Variants in CCDC148 observed in about 807,000 individuals in gnomAD.
The protein encoded by CCDC148 is coiled-coil domain containing 148.
CCDC148 carries 89 observed loss-of-function variants against 85.7 expected under a neutral mutation model. That is an observed-to-expected ratio of 1.04 (90% CI 0.87 to 1.24). CCDC148 has a LOEUF of 1.24. Ranked by LOEUF, CCDC148 falls within the 50% of genes most tolerant of loss-of-function variation. The pLI is 0.00. For missense variants in CCDC148, 692 were observed against 671.7 expected (o/e 1.03, Z -0.33); for synonymous variants, 230 against 213.9 (o/e 1.08, Z -0.66).
At chr2:158,193,321 AAC>A (rs1276392729) in intron 11 of CCDC148, among the ~76,000 whole-genome samples, 1 of 152,128 alleles carries the variant, frequency 6.6e-6, no homozygotes, top group South Asian at 2.1e-4. Context: ...CATAATTGTG[AAC>A]AGAGACAAAC....
chr2:158,337,617 GA>G (rs1258562486), intron 7 of CCDC148, among the ~76,000 whole-genome samples: 8 of 152,128 alleles, frequency 5.3e-5, no homozygotes, highest in Non-Finnish European at 8.8e-5. Context: ...AAAGGAGAGA[GA>G]TGGGGAAGGA....
At chr2:158,272,759 C>T (rs770342495) in intron 9 of CCDC148, among the ~76,000 whole-genome samples, 6 of 152,196 alleles carry the variant, frequency 3.9e-5, no homozygotes, top group Admixed American at 2.6e-4. Flanking sequence ...AGCATACCAA[C>T]TCCTATACTT....
intron 9 of CCDC148, among the ~76,000 whole-genome samples, chr2:158,296,943 T>C (rs1574571844): frequency 6.6e-6 from 1 of 152,156 alleles, no homozygotes; most frequent in Non-Finnish European, 1.5e-5. Flanking sequence ...ATGCCTATGG[T>C]TCCTCAGAGC....
Position 158,339,098 on chromosome 2 carries a change from T to A in CCDC148, c.487-13A>T. Reference sequence around the variant, plus strand: ...TCACAAAGTCAACCTATAGGACATTTGGAACAAGTAGTAGGCAAATTATTG... The same window carrying A: ...TCACAAAGTCAACCTATAGGACATTAGGAACAAGTAGTAGGCAAATTATTG... On this transcript the variant is annotated splice_polypyrimidine_tract_variant and intron_variant, in intron 5 of 13. Transcript: ENST00000283233. 2 of 1,587,540 alleles carry A rather than the reference T, an allele frequency of 1.3e-6. No individual in the cohort carries two copies. Among genetic ancestry groups the A allele is most frequent in the Non-Finnish European group, 1.7e-6 (2 of 1,157,500 alleles).
chr2:158,223,487 C>G (rs1307681964), intron 10 of CCDC148, among the ~76,000 whole-genome samples: 1 of 152,196 alleles, frequency 6.6e-6, no homozygotes, highest in Non-Finnish European at 1.5e-5. Flanking sequence ...TCTCCCACCA[C>G]ACAGCTGGAG....
intron 8 of CCDC148, among the ~76,000 whole-genome samples, chr2:158,312,116 G>C (rs535567307): frequency 6.0e-4 from 92 of 152,166 alleles, no homozygotes; most frequent in African/African-American, 2.2e-3. Flanking sequence ...CTAGCAAATG[G>C]GATAAGGTAT....
chr2:158,443,198 G>A (rs983532173), intron 1 of CCDC148, among the ~76,000 whole-genome samples: 1 of 151,976 alleles, frequency 6.6e-6, no homozygotes, highest in East Asian at 1.9e-4. Flanking sequence ...AGTCACTCAG[G>A]CACAGTGGCT....
intron 10 of CCDC148, among the ~76,000 whole-genome samples, chr2:158,223,993 A>G (rs1175842387): frequency 6.6e-6 from 1 of 152,252 alleles, no homozygotes; most frequent in Non-Finnish European, 1.5e-5. Context: ...GAGTTGAGAG[A>G]AGAAGGCTTC....
chr2:158,342,787 C>A (rs1229569778), intron 3 of CCDC148, among the ~76,000 whole-genome samples: 1 of 151,882 alleles, frequency 6.6e-6, no homozygotes, highest in Non-Finnish European at 1.5e-5. Context: ...AACGAGCACA[C>A]AAAAACTTAA....
intron 10 of CCDC148, among the ~76,000 whole-genome samples, chr2:158,240,661 G>T (rs534150253): frequency 6.6e-6 from 1 of 151,932 alleles, no homozygotes; most frequent in Non-Finnish European, 1.5e-5. Context: ...TTTTCCCACC[G>T]CCTGAAGCCC....
intron 1 of CCDC148, among the ~76,000 whole-genome samples, chr2:158,362,981 G>A (rs989179344): frequency 6.6e-6 from 1 of 152,004 alleles, no homozygotes; most frequent in Non-Finnish European, 1.5e-5. Context: ...ATGATAAAGG[G>A]TATATCACCA....
intron 11 of CCDC148, among the ~76,000 whole-genome samples, chr2:158,197,997 A>G (rs1338412496): frequency 2.0e-5 from 3 of 152,102 alleles, no homozygotes; most frequent in Non-Finnish European, 4.4e-5. Flanking sequence ...GCTTCCAGGG[A>G]CTTTTGTAAT....
chr2:158,188,757 AAG>A (rs1285805345), intron 11 of CCDC148, among the ~76,000 whole-genome samples: 5 of 152,096 alleles, frequency 3.3e-5, no homozygotes, highest in African/African-American at 1.2e-4. Flanking sequence ...AATTAAACTA[AAG>A]AGCTTCTGTG....
rs137859618 is a variant in CCDC148 at position 158,324,389 on chromosome 2, T to C, written c.765-10495A>G. On this transcript the variant is annotated intron_variant, in intron 7 of 13. Coordinates refer to ENST00000283233, the MANE Select transcript of CCDC148 (RefSeq NM_138803.4). ...TAGCAACATATTCAAACCATTTGTG[T>C]CATTAGAAATATCCTTTATATAATC... is the stretch of plus-strand genomic sequence containing the variant. Among the ~76,000 whole-genome samples the C allele has an allele frequency of 2.0e-5, 3 of 152,334 alleles. No homozygotes were observed. The East Asian group carries it at 5.8e-4, about 29-fold the overall frequency.
Position 158,345,214 on chromosome 2 carries a change from C to T in CCDC148, c.251+1G>A. The stretch of plus-strand genomic sequence containing the variant: ...TTCTTACTATGTCCCCCAGTTCTTA[C>T]CTGACTTCATTCAGCCTCTGGTATT... On this transcript the variant is annotated splice_donor_variant, in intron 3 of 13. Coordinates refer to ENST00000283233, the MANE Select transcript of CCDC148 (RefSeq NM_138803.4). LOFTEE classifies it high-confidence loss of function. 1 of 1,611,112 alleles carries T rather than the reference C, an allele frequency of 6.2e-7. No individual in the cohort carries two copies. Among genetic ancestry groups the T allele is most frequent in the South Asian group, 1.1e-5 (1 of 90,862 alleles).
chr2:158,403,434 C>T (rs1193054693), intron 1 of CCDC148, among the ~76,000 whole-genome samples: 1 of 152,004 alleles, frequency 6.6e-6, no homozygotes, highest in Non-Finnish European at 1.5e-5. Flanking sequence ...TCATTTCAAC[C>T]ACTGAGGGAA....
intron 1 of CCDC148, among the ~76,000 whole-genome samples, chr2:158,404,500 A>C (rs1383412741): frequency 6.6e-6 from 1 of 152,016 alleles, no homozygotes. Context: ...AGCATCACAA[A>C]CTCCTCTTCA....
Position 158,358,449 on chromosome 2 carries a change from C to A in CCDC148, c.147G>T (p.Lys49Asn). The A allele has an allele frequency of 1.9e-6, 3 of 1,604,434 alleles. No homozygotes were observed. The highest frequency in any genetic ancestry group is 2.5e-6 in the Non-Finnish European group (3 of 1,177,054). The change falls in exon 2 of 14, where the codon AAG becomes AAT. Residue 49 changes from lysine (K) to asparagine (N), a missense_variant and splice_region_variant. Transcript: ENST00000283233. ...AACACATACACACACAACTTCTAAC[C>A]TTTAGCTTTGCAGAGGCAGAAGCCA... ...KKLASASAKL[K>N]IRKAMLTSKL... is the part of the protein sequence containing the mutation.
At chr2:158,222,245 T>C (rs1048221010) in intron 10 of CCDC148, among the ~76,000 whole-genome samples, 3 of 152,150 alleles carry the variant, frequency 2.0e-5, no homozygotes, top group African/African-American at 7.2e-5. Flanking sequence ...AGTGGCTCTT[T>C]TGCAGACAAT....
Sources: gnomAD v4.1 joint callset for allele counts (sites outside exome capture counted in the v4.1 genomes callset) on GRCh38, gnomAD v4.1.1 for gene constraint, MANE v1.5 for transcripts, NCBI Gene and HGNC (gene_info 2026-07-23, HGNC 2026-07-21) for gene names.